NEGR1: variants seen among roughly 807,000 people sequenced by gnomAD.
NEGR1 encodes neuronal growth regulator 1, also known as IgLON family member 4.
A neutral mutation model predicts 40.9 loss-of-function variants in NEGR1; 10 were observed. The ratio of observed to expected loss-of-function variants is 0.24; its 90% CI spans 0.15 to 0.42. The LOEUF (loss-of-function observed/expected upper bound fraction) is 0.42. Among genes scored for constraint, NEGR1 ranks in the 10% least tolerant of loss-of-function variants. The pLI is 1.00. For missense variants in NEGR1, 352 were observed against 438.9 expected (o/e 0.80, Z 1.77); for synonymous variants, 185 against 166.8 (o/e 1.11, Z -0.84).
At position 72,235,546 on chromosome 1, in the gene NEGR1, A is replaced by G. The variant is rs138829552; in HGVS notation, c.176+46773T>C. 5.3e-4 allele frequency among the ~76,000 whole-genome samples: 81 copies of G among 152,182 alleles called. No homozygotes were observed. In the East Asian group the frequency reaches 0.014, roughly 26 times the overall value. On this transcript the variant is annotated intron_variant, in intron 1 of 6. Transcript: ENST00000357731. ...ATAGGAAATATAAACAATGTGTAAA[A>G]CAATTCTAAAATTTTCAGTAAGAAG...
chr1:72,181,780 C>T (rs1231156478), intron 1 of NEGR1, among the ~76,000 whole-genome samples: 1 of 151,902 alleles, frequency 6.6e-6, no homozygotes, highest in Non-Finnish European at 1.5e-5. Context: ...GGGAAATAAG[C>T]CAAACACTGA....
Position 72,118,589 on chromosome 1 carries a change from T to C in NEGR1, c.176+163730A>G, listed in dbSNP as rs566378997. Among the ~76,000 whole-genome samples, 4 of 151,910 alleles carry C rather than the reference T, an allele frequency of 2.6e-5. No homozygotes were observed. The South Asian group carries it at 8.3e-4, about 32-fold the overall frequency. ...TCCTGTTTCCTTGGCTTTCTGATTGTTGTACATTGGTCATTCTGCAATATT... is the reference window on the plus strand; with the variant it reads ...TCCTGTTTCCTTGGCTTTCTGATTGCTGTACATTGGTCATTCTGCAATATT... On this transcript the variant is annotated intron_variant, in intron 1 of 6. Coordinates refer to ENST00000357731, the MANE Select transcript of NEGR1 (RefSeq NM_173808.3).
chr1:72,211,762 T>C (rs1653615771), intron 1 of NEGR1, among the ~76,000 whole-genome samples: 1 of 150,322 alleles, frequency 6.7e-6, no homozygotes, highest in South Asian at 2.1e-4. Context: ...TTTGATGTTC[T>C]AAATTTTTTT....
At chr1:72,101,116 C>T (rs367689789) in intron 1 of NEGR1, among the ~76,000 whole-genome samples, 1 of 152,188 alleles carries the variant, frequency 6.6e-6, no homozygotes, top group African/African-American at 2.4e-5. Context: ...GGACGTATTG[C>T]AGTCCACAAC....
chr1:71,845,821 A>G (rs1340971763), intron 2 of NEGR1, among the ~76,000 whole-genome samples: 1 of 151,870 alleles, frequency 6.6e-6, no homozygotes, highest in Non-Finnish European at 1.5e-5. Flanking sequence ...GTGCAATGGC[A>G]CGATCACAGC....
chr1:71,859,310 C>T (rs936162369), intron 2 of NEGR1, among the ~76,000 whole-genome samples: 4 of 151,982 alleles, frequency 2.6e-5, no homozygotes, highest in Admixed American at 1.3e-4. Flanking sequence ...TATGTTCTTT[C>T]CTTAAACGCT....
At chr1:71,545,517 T>A (rs1436769634) in intron 6 of NEGR1, among the ~76,000 whole-genome samples, 1 of 151,756 alleles carries the variant, frequency 6.6e-6, no homozygotes, top group African/African-American at 2.4e-5. Flanking sequence ...ATCTTCTGTC[T>A]TTCTATCTAT....
intron 4 of NEGR1, among the ~76,000 whole-genome samples, chr1:71,696,150 T>C (rs1473123433): frequency 2.0e-5 from 3 of 151,820 alleles, no homozygotes; most frequent in Non-Finnish European, 4.4e-5. Context: ...TTCTGTTCTT[T>C]TGCTTTATGG....
chr1:72,235,470 G>A (rs568447683), intron 1 of NEGR1, among the ~76,000 whole-genome samples: 2 of 151,906 alleles, frequency 1.3e-5, no homozygotes, highest in Non-Finnish European at 2.9e-5. Flanking sequence ...TGAACTTGAG[G>A]GTAGCAAGGG....
At chr1:72,079,070 T>C (rs944538031) in intron 1 of NEGR1, among the ~76,000 whole-genome samples, 2 of 133,320 alleles carry the variant, frequency 1.5e-5, no homozygotes, top group African/African-American at 2.8e-5. Flanking sequence ...TATATGTCAA[T>C]GGTTACATTT....
intron 2 of NEGR1, among the ~76,000 whole-genome samples, chr1:71,913,436 T>C (rs1661479851): frequency 6.6e-6 from 1 of 152,138 alleles, no homozygotes; most frequent in Non-Finnish European, 1.5e-5. Context: ...TTTTTTACAT[T>C]ACATTTCTAC....
intron 4 of NEGR1, among the ~76,000 whole-genome samples, chr1:71,687,754 C>A (rs1405526456): frequency 1.3e-5 from 2 of 152,154 alleles, no homozygotes; most frequent in Non-Finnish European, 2.9e-5. Flanking sequence ...AGTTTACTAT[C>A]TTTCTAAAAG....
intron 1 of NEGR1, among the ~76,000 whole-genome samples, chr1:72,088,873 C>G (rs1326510656): frequency 7.5e-6 from 1 of 132,624 alleles, no homozygotes; most frequent in East Asian, 2.5e-4. Flanking sequence ...TTCAGTGGTG[C>G]AATCTCAGCT....
At chr1:72,019,828 T>C (rs915592992) in intron 1 of NEGR1, among the ~76,000 whole-genome samples, 1 of 152,210 alleles carries the variant, frequency 6.6e-6, no homozygotes, top group African/African-American at 2.4e-5. Flanking sequence ...TACTTCCTTT[T>C]TAAAGGCATT....
chr1:72,133,975 GT>G (rs756641032), intron 1 of NEGR1, among the ~76,000 whole-genome samples: 3 of 151,574 alleles, frequency 2.0e-5, no homozygotes, highest in East Asian at 1.9e-4. Context: ...CCATAACTTT[GT>G]TATATAAGAT....
intron 3 of NEGR1, among the ~76,000 whole-genome samples, chr1:71,714,581 C>G (rs1369807165): frequency 6.6e-6 from 1 of 152,156 alleles, no homozygotes; most frequent in Non-Finnish European, 1.5e-5. Context: ...GGTAAATACA[C>G]CATGGCAAAT....
chr1:71,513,782 C>T lies in NEGR1; in HGVS notation c.940+79035G>A, dbSNP rs531248534. 2.3e-3 allele frequency among the ~76,000 whole-genome samples: 352 copies of T among 151,788 alleles called. 1 individual carries two copies. Among genetic ancestry groups the T allele is most frequent in the African/African-American group, 8.1e-3 (333 of 41,366 alleles). ...CTCCCAGCGTGAGCGACGCAGAAGACGGGTGATTTCTGCATTTCCATCTGA... is the reference window on the plus strand; with the variant it reads ...CTCCCAGCGTGAGCGACGCAGAAGATGGGTGATTTCTGCATTTCCATCTGA... On this transcript the variant is annotated intron_variant, in intron 6 of 6. Coordinates refer to ENST00000357731, the MANE Select transcript of NEGR1 (RefSeq NM_173808.3).
In NEGR1 at chr1:72,186,230, C is replaced by T. The variant is rs563276995; in HGVS notation, c.176+96089G>A. 2.0e-5 allele frequency among the ~76,000 whole-genome samples: 3 copies of T among 151,858 alleles called. No individual in the cohort carries two copies. The East Asian group carries it at 5.8e-4, about 29-fold the overall frequency. On this transcript the variant is annotated intron_variant, in intron 1 of 6. Transcript: ENST00000357731. ...TTTGTCCCAGTCAGCTGAAATTTAA[C>T]ATGCCATTTGCCAACTTCCAACATG... is the stretch of plus-strand genomic sequence containing the variant.
chr1:72,067,186 T>C (rs963110172), intron 1 of NEGR1, among the ~76,000 whole-genome samples: 11 of 152,148 alleles, frequency 7.2e-5, no homozygotes, highest in African/African-American at 2.7e-4. Context: ...ATATACCTTT[T>C]AATTTTAAGA....
Sources: allele counts gnomAD v4.1 joint callset (sites outside exome capture counted in the v4.1 genomes callset), GRCh38; gene constraint gnomAD v4.1.1; transcripts MANE v1.5; gene names NCBI Gene and HGNC (gene_info 2026-07-23, HGNC 2026-07-21).